The following WDR93 variants were observed in gnomAD, a reference collection of about 807,000 sequenced individuals.
WDR93 encodes WD repeat domain 93, also known as WD repeat-containing protein 93.
WDR93 carries 73 observed loss-of-function variants against 82.9 expected under a neutral mutation model. That is an observed-to-expected ratio of 0.88 (90% CI 0.73 to 1.07). The LOEUF is 1.07. Among genes scored for constraint, WDR93 ranks in the 50% least tolerant of loss-of-function variants. The probability of loss-of-function intolerance (pLI) is 0.00; values close to 1 mark genes in which losing one functional copy is unlikely to be tolerated. For synonymous variants in WDR93, 283 were observed against 300.1 expected (o/e 0.94, Z 0.59); for missense variants, 738 against 826.0 (o/e 0.89, Z 1.31).
chr15:89,731,437 C>T lies in WDR93; in HGVS notation c.1211-6C>T. ...GGAACCGGTTGAGTATTGTCCTTCC[C>T]CCTAGACCCCGAGGGTGTGTGGCCC... On this transcript the variant is annotated splice_polypyrimidine_tract_variant and splice_region_variant and intron_variant, in intron 11 of 16. Transcript: ENST00000268130. The T allele has an allele frequency of 6.2e-7, 1 of 1,614,052 alleles. No homozygotes were observed. Among genetic ancestry groups the T allele is most frequent in the Non-Finnish European group, 8.5e-7 (1 of 1,179,970 alleles).
At chr15:89,728,908 C>T (rs1414867212) in intron 9 of WDR93, 115 bp from the exon 10 acceptor site, 8 of 895,750 alleles carry the variant, frequency 8.9e-6, no homozygotes, top group African/African-American at 4.9e-5. Context: ...GGCCTTCTTA[C>T]CCCTGGGAAG....
chr15:89,736,379 G>T (rs1967174473), intron 14 of WDR93, among the ~76,000 whole-genome samples: 1 of 152,128 alleles, frequency 6.6e-6, no homozygotes, highest in Non-Finnish European at 1.5e-5. Context: ...CTCCAAGAGA[G>T]CCAAGGGCTG....
intron 15 of WDR93, 121 bp downstream of exon 15, chr15:89,737,850 G>A: frequency 7.0e-7 from 1 of 1,434,178 alleles, no homozygotes; most frequent in Admixed American, 2.1e-5. Context: ...ATAGGCCAAA[G>A]GGTACCGCAG....
chr15:89,718,205 G>A (rs1966346746), intron 7 of WDR93, among the ~76,000 whole-genome samples: 1 of 152,204 alleles, frequency 6.6e-6, no homozygotes, highest in Non-Finnish European at 1.5e-5. Flanking sequence ...GCCGGGTGCA[G>A]TGGCTCACGC....
intron 7 of WDR93, among the ~76,000 whole-genome samples, chr15:89,718,271 T>A (rs1171028102): frequency 6.6e-6 from 1 of 152,084 alleles, no homozygotes; most frequent in East Asian, 1.9e-4. Context: ...GTCAGGAGTT[T>A]GAGACCAGCC....
intron 7 of WDR93, among the ~76,000 whole-genome samples, chr15:89,718,593 C>CTCTA (rs1166634375): frequency 6.6e-6 from 1 of 152,100 alleles, no homozygotes; most frequent in East Asian, 1.9e-4. Context: ...CACCACTGTA[C>CTCTA]TCTAGCCTGA....
chr15:89,720,290 T>G (rs139867362), intron 7 of WDR93, among the ~76,000 whole-genome samples: 1 of 152,310 alleles, frequency 6.6e-6, no homozygotes, highest in East Asian at 1.9e-4. Context: ...TTTTTATTTT[T>G]GAGAGAGAGT....
At chr15:89,733,603 G>A (rs931754173) in intron 13 of WDR93, among the ~76,000 whole-genome samples, 1 of 152,076 alleles carries the variant, frequency 6.6e-6, no homozygotes, top group Non-Finnish European at 1.5e-5. Flanking sequence ...TATCATGGGA[G>A]TGGAAATAGT....
At chr15:89,721,220 G>A (rs924515773) in intron 7 of WDR93, 2 of 151,972 alleles carry the variant, frequency 1.3e-5, no homozygotes, top group East Asian at 1.9e-4. Context: ...TTAATATAAC[G>A]AGTTTCTTCT....
chr15:89,731,389 G>A, intron 11 of WDR93, 54 bp from the exon 12 acceptor site: 1 of 1,601,512 alleles, frequency 6.2e-7, no homozygotes. Flanking sequence ...AGGTAGAAGT[G>A]ATGGGTAGGT....
In WDR93 at chr15:89,731,484, T is replaced by G; in HGVS notation, c.1252T>G (p.Ser418Ala). Residue 418 changes from serine to alanine, a missense_variant, in exon 12 of 17, where the codon TCT becomes GCT. Coordinates refer to ENST00000268130, the MANE Select transcript of WDR93 (RefSeq NM_020212.2). ...VWPCAAPIAV[S>A]QLSCSSSYLV... ...GCCCTGTGCTGCGCCCATTGCAGTC[T>G]CTCAGCTCAGCTGCTCCTCCTCCTA... 1 of 1,614,180 alleles carries G rather than the reference T, an allele frequency of 6.2e-7. No homozygotes were observed. Among genetic ancestry groups the G allele is most frequent in the South Asian group, 1.1e-5 (1 of 91,086 alleles).
chr15:89,739,333 T>C (rs1327719869), intron 16 of WDR93, among the ~76,000 whole-genome samples: 1 of 152,162 alleles, frequency 6.6e-6, no homozygotes. Flanking sequence ...ACCTATAAAG[T>C]CTAAATTATT....
At chr15:89,708,428 G>A (rs765039057) in intron 4 of WDR93, among the ~76,000 whole-genome samples, 3 of 152,128 alleles carry the variant, frequency 2.0e-5, no homozygotes, top group Admixed American at 6.5e-5. Flanking sequence ...TACAGTTGTC[G>A]CAGCTGGCTC....
chr15:89,695,813 C>T (rs1161965647), intron 1 of WDR93, among the ~76,000 whole-genome samples: 8 of 99,312 alleles, frequency 8.1e-5, no homozygotes, highest in South Asian at 3.7e-4. Context: ...TCATGCTGTC[C>T]TTTTTTTTTT....
At chr15:89,729,903 G>A (rs1966844672) in intron 11 of WDR93, 134 bp downstream of exon 11, 1 of 726,042 alleles carries the variant, frequency 1.4e-6, no homozygotes, top group Non-Finnish European at 2.3e-6. Flanking sequence ...GGCAGTAGGG[G>A]GTTTGGTGGG....
chr15:89,709,510 AC>A (rs1313305258), intron 4 of WDR93, among the ~76,000 whole-genome samples: 11 of 151,574 alleles, frequency 7.3e-5, no homozygotes, highest in Non-Finnish European at 1.6e-4. Context: ...ATATATATAT[AC>A]TTTATATATA....
chr15:89,721,056 T>C (rs1406477171), intron 7 of WDR93: 1 of 152,226 alleles, frequency 6.6e-6, no homozygotes, highest in East Asian at 1.9e-4. Flanking sequence ...TGTTTTGTCA[T>C]TATTCACTGA....
intron 16 of WDR93, among the ~76,000 whole-genome samples, chr15:89,739,218 T>G (rs1967460756): frequency 1.3e-5 from 2 of 152,228 alleles, no homozygotes; most frequent in Non-Finnish European, 2.9e-5. Context: ...TGCCTGGTTT[T>G]GTAAATAAGG....
chr15:89,737,460 A>C, intron 14 of WDR93, 113 bp from the exon 15 acceptor site: 1 of 1,383,458 alleles, frequency 7.2e-7, no homozygotes. Flanking sequence ...GGGGCCCAAG[A>C]GGTTTTATGT....
Sources: gnomAD v4.1 joint callset for allele counts (sites outside exome capture counted in the v4.1 genomes callset) on GRCh38, gnomAD v4.1.1 for gene constraint, MANE v1.5 for transcripts, NCBI Gene and HGNC (gene_info 2026-07-23, HGNC 2026-07-21) for gene names.